PPIL6: variants seen among roughly 807,000 people sequenced by gnomAD.
The protein encoded by PPIL6 is probable inactive peptidyl-prolyl cis-trans isomerase-like 6.
In PPIL6, 39 loss-of-function variants were observed where a neutral mutation model predicts 36.8. The ratio of observed to expected loss-of-function variants is 1.06; its 90% CI spans 0.82 to 1.38. The LOEUF is 1.38. Ranked by LOEUF, PPIL6 falls within the 40% of genes most tolerant of loss-of-function variation. The pLI is 0.00. For missense variants in PPIL6, 368 were observed against 379.1 expected (o/e 0.97, Z 0.24); for synonymous variants, 123 against 134.1 (o/e 0.92, Z 0.57).
rs375393264 is a variant in PPIL6 at position 109,429,444 on chromosome 6, AT to A, written c.420+1712del. ...TCAATCTTTCTTTAGGATCTATTGG[AT>A]TTTTTTTTTCCTAATTAAAATCTGA... On this transcript the variant is annotated intron_variant, in intron 3 of 7. Coordinates refer to ENST00000521072, the MANE Select transcript of PPIL6 (RefSeq NM_173672.5). Among the ~76,000 whole-genome samples the A allele has an allele frequency of 4.0e-3, 600 of 150,674 alleles. 4 individuals are homozygous for A. Among genetic ancestry groups the A allele is most frequent in the African/African-American group, 0.013 (546 of 41,122 alleles).
At chr6:109,425,818 T>C (rs138960010) in intron 5 of PPIL6, among the ~76,000 whole-genome samples, 3 of 151,150 alleles carry the variant, frequency 2.0e-5, no homozygotes, top group African/African-American at 7.3e-5. Flanking sequence ...ACTGAACTCA[T>C]TGTCAGGAGC....
chr6:109,399,493 C>T (rs1003364143), intron 7 of PPIL6, among the ~76,000 whole-genome samples: 1 of 152,170 alleles, frequency 6.6e-6, no homozygotes, highest in Non-Finnish European at 1.5e-5. Context: ...GCAACCACCT[C>T]CCAGGTTCAT....
chr6:109,393,283 T>C lies in PPIL6; in HGVS notation c.825-346A>G, dbSNP rs185133004. On this transcript the variant is annotated intron_variant, in intron 7 of 7. Coordinates refer to ENST00000521072, the MANE Select transcript of PPIL6 (RefSeq NM_173672.5). ...CCCAGGCTGGAGTGCTGTGGCATGA[T>C]CTTAGCTCACTACAGCCTTGACCTC... is the stretch of plus-strand genomic sequence containing the variant. 9.8e-4 allele frequency among the ~76,000 whole-genome samples: 149 copies of C among 151,854 alleles called. 2 individuals are homozygous for C. The highest frequency in any genetic ancestry group is 3.4e-3 in the African/African-American group (139 of 41,382).
intron 5 of PPIL6, among the ~76,000 whole-genome samples, chr6:109,424,344 TGTGTGCAACC>T (rs906494100): frequency 1.6e-4 from 24 of 152,074 alleles, no homozygotes; most frequent in African/African-American, 5.5e-4. Flanking sequence ...CCAGAGGCTG[TGTGTGCAACC>T]GAGTGTGTAA....
At chr6:109,440,748 G>A (rs1774815662), upstream of PPIL6, 1 of 366,090 alleles carries the variant, frequency 2.7e-6, no homozygotes. Flanking sequence ...CTGTTGCTGG[G>A]CCGCCGGCGC....
Position 109,436,098 on chromosome 6 carries a change from CT to C in PPIL6, c.231+5del. ...CTATATCCCCCACACCCCAAATATC[CT>C]TTACCCTTTTTTTCTCCTGTAGATA... On this transcript the variant is annotated splice_donor_5th_base_variant and intron_variant, in intron 2 of 7. Coordinates refer to ENST00000521072, the MANE Select transcript of PPIL6 (RefSeq NM_173672.5). The C allele has an allele frequency of 6.7e-7, 1 of 1,481,614 alleles. No individual in the cohort carries two copies. The highest frequency in any genetic ancestry group is 9.4e-7 in the Non-Finnish European group (1 of 1,060,248). The allele number at this position is 1,481,614 out of a possible 1,614,324, so 91.8% of individuals were successfully genotyped here.
At chr6:109,425,833 A>C (rs973860342) in intron 5 of PPIL6, among the ~76,000 whole-genome samples, 8 of 152,134 alleles carry the variant, frequency 5.3e-5, no homozygotes, top group Non-Finnish European at 1.2e-4. Context: ...AGGAGCCCCT[A>C]ATATTAACAG....
Position 109,391,103 on chromosome 6 carries a change from A to G in PPIL6, c.*1723T>C, listed in dbSNP as rs1312749796. On this transcript the variant is annotated 3_prime_UTR_variant, in exon 8 of 8. Coordinates refer to ENST00000521072, the MANE Select transcript of PPIL6 (RefSeq NM_173672.5). ...CAAGATCGGGACCATCCTGGCTAAC[A>G]TGGTGAAATCCCATCTCTACTAAAA... 6.6e-6 allele frequency: 1 copy of G among 151,996 alleles called. No individual in the cohort carries two copies. The allele number at this position is 151,996 out of a possible 1,614,324, so 9.4% of individuals were successfully genotyped here.
intron 6 of PPIL6, among the ~76,000 whole-genome samples, chr6:109,407,485 C>T (rs547797596): frequency 2.6e-5 from 4 of 152,092 alleles, no homozygotes; most frequent in South Asian, 2.1e-4. Flanking sequence ...GTGATCTGCC[C>T]GCCTCGGCCT....
chr6:109,440,939 C>A, upstream of PPIL6: 1 of 607,480 alleles, frequency 1.6e-6, no homozygotes, highest in Non-Finnish European at 2.8e-6. Context: ...GAACAGCCGG[C>A]CGGTTGCCGG....
chr6:109,401,570 C>T (rs980376255), intron 6 of PPIL6, among the ~76,000 whole-genome samples: 19 of 152,084 alleles, frequency 1.2e-4, no homozygotes, highest in Non-Finnish European at 2.5e-4. Flanking sequence ...CCCCTGAAAC[C>T]TTATGAAATG....
intron 1 of PPIL6, among the ~76,000 whole-genome samples, chr6:109,438,782 T>C (rs544790174): frequency 1.3e-5 from 2 of 152,204 alleles, no homozygotes; most frequent in Non-Finnish European, 2.9e-5. Flanking sequence ...AGAGATGGGG[T>C]TTCACCATGT....
At chr6:109,400,258 T>C in intron 6 of PPIL6, 88 bp from the exon 7 acceptor site, 1 of 1,032,294 alleles carries the variant, frequency 9.7e-7, no homozygotes, top group Non-Finnish European at 1.4e-6. Flanking sequence ...GAACCCTTGG[T>C]AACACTCTCA....
In PPIL6 at chr6:109,430,489, C is replaced by T. The variant is rs146837287; in HGVS notation, c.420+668G>A. On this transcript the variant is annotated intron_variant, in intron 3 of 7. Coordinates refer to ENST00000521072, the MANE Select transcript of PPIL6 (RefSeq NM_173672.5). ...TGCACCAGGCTGGAGTGCAGTGGTG[C>T]GATCTCGGCTCACTGCAACCTCCAC... Among the ~76,000 whole-genome samples, 413 of 151,466 alleles carry T rather than the reference C, an allele frequency of 2.7e-3. 1 individual carries two copies. The highest frequency in any genetic ancestry group is 9.6e-3 in the African/African-American group (394 of 41,190).
rs769537823 is a variant in PPIL6, at chr6:109,412,471, A to G, written c.688+6716T>C. Among the ~76,000 whole-genome samples, 26 of 152,370 alleles carry G rather than the reference A, an allele frequency of 1.7e-4. No individual in the cohort carries two copies. In the South Asian group the frequency reaches 2.9e-3, roughly 17 times the overall value. ...CAAAAAGAACAAAACGGAAGGAATCACATTACCTGACTTCAAATTATACTA... is the reference window on the plus strand; with the variant it reads ...CAAAAAGAACAAAACGGAAGGAATCGCATTACCTGACTTCAAATTATACTA... On this transcript the variant is annotated intron_variant, in intron 6 of 7. Coordinates refer to ENST00000521072, the MANE Select transcript of PPIL6 (RefSeq NM_173672.5).
rs1165276431 is a variant in PPIL6, at chr6:109,431,196, G to T, written c.381C>A (p.Leu127=). Residue 127 remains leucine (L), a synonymous_variant, in exon 3 of 8, where the codon CTC becomes CTA. Transcript: ENST00000521072. ...AGAACTTAGCGGAAAAATCCTCAGTGAGTGCGTCATAAAGTGCAGAGGGTT... is the reference window on the plus strand; with the variant it reads ...AGAACTTAGCGGAAAAATCCTCAGTTAGTGCGTCATAAAGTGCAGAGGGTT... ...DIKPSALYDA[L]TEDFSAKFLR... The T allele has an allele frequency of 6.2e-7, 1 of 1,611,718 alleles. No homozygotes were observed. Among genetic ancestry groups the T allele is most frequent in the Non-Finnish European group, 8.5e-7 (1 of 1,179,052 alleles).
chr6:109,440,349 G>C, intron 1 of PPIL6, 107 bp downstream of exon 1: 1 of 1,351,058 alleles, frequency 7.4e-7, no homozygotes. Context: ...CTCGGCCGGT[G>C]GGGCCTCGAC....
At chr6:109,435,296 CT>C (rs911840164) in intron 2 of PPIL6, among the ~76,000 whole-genome samples, 3,565 of 131,900 alleles carry the variant, frequency 0.027, 23 homozygotes, top group African/African-American at 0.055. Flanking sequence ...AAATGTTGCA[CT>C]TTTTTTTTTT....
Position 109,418,515 on chromosome 6 carries a change from A to T in PPIL6, c.688+672T>A, listed in dbSNP as rs1358649346. The stretch of plus-strand genomic sequence containing the variant: ...CACCTGCTTTTGTTGTAAATGTTAT[A>T]CAGGGTTTTTCTACCAACAGCAATC... On this transcript the variant is annotated intron_variant, in intron 6 of 7. Transcript: ENST00000521072. Among the ~76,000 whole-genome samples, 4 of 150,054 alleles carry T rather than the reference A, an allele frequency of 2.7e-5. No individual in the cohort carries two copies. In the South Asian group the frequency reaches 6.4e-4, roughly 24 times the overall value.
Sources: allele counts gnomAD v4.1 joint callset (sites outside exome capture counted in the v4.1 genomes callset), GRCh38; gene constraint gnomAD v4.1.1; transcripts MANE v1.5; gene names NCBI Gene and HGNC (gene_info 2026-07-23, HGNC 2026-07-21).